The following PHF24 variants were observed in gnomAD, a reference collection of about 807,000 sequenced individuals.
PHF24 encodes the protein PHD finger protein 24.
In PHF24, 25 loss-of-function variants were observed where a neutral mutation model predicts 42.6. The observed-to-expected ratio is 0.59, with a 90% CI of 0.43 to 0.82. PHF24 has a LOEUF of 0.82. PHF24 is among the 40% of genes least tolerant of loss of function. The pLI is 0.00. For synonymous variants in PHF24, 185 were observed against 204.8 expected (o/e 0.90, Z 0.83); for missense variants, 470 against 538.1 (o/e 0.87, Z 1.25).
chr9:34,902,540 G>T, the PHF24 span, among the ~76,000 whole-genome samples: 1 of 152,080 alleles, frequency 6.6e-6, no homozygotes, highest in East Asian at 1.9e-4. Context: ...TCCCAGCTAC[G>T]CAACTCAGGA....
the PHF24 span, among the ~76,000 whole-genome samples, chr9:34,764,280 T>C: frequency 6.6e-6 from 1 of 151,808 alleles, no homozygotes; most frequent in Non-Finnish European, 1.5e-5. Flanking sequence ...ATGGTACCAG[T>C]TCCTCCTTGT....
the PHF24 span, among the ~76,000 whole-genome samples, chr9:34,693,422 T>C: frequency 1.3e-5 from 2 of 152,212 alleles, no homozygotes; most frequent in African/African-American, 4.8e-5. Context: ...ATTTCCCCTG[T>C]GGCAGTTGTT....
the PHF24 span, among the ~76,000 whole-genome samples, chr9:34,919,154 A>T: frequency 1.3e-5 from 2 of 152,216 alleles, no homozygotes; most frequent in Admixed American, 1.3e-4. Context: ...TACTATGATT[A>T]GTGAACCAAT....
the PHF24 span, chr9:34,691,386 AG>A: frequency 2.0e-6 from 1 of 493,636 alleles, no homozygotes; most frequent in South Asian, 2.7e-5. Flanking sequence ...TCTTTCTGGC[AG>A]AATCGCACCC....
the PHF24 span, among the ~76,000 whole-genome samples, chr9:34,886,754 ATCTG>A: frequency 2.0e-5 from 3 of 147,662 alleles, no homozygotes; most frequent in African/African-American, 7.7e-5. Context: ...CTATCTATCT[ATCTG>A]TCTGTCTGTC....
At chr9:34,840,109 AGGCCCTCCTTG>A in the PHF24 span, among the ~76,000 whole-genome samples, 23 of 152,142 alleles carry the variant, frequency 1.5e-4, no homozygotes, top group Admixed American at 1.2e-3. Context: ...AGCAGGGGTG[AGGCCCTCCTTG>A]ATGGAGGGCC....
the PHF24 span, among the ~76,000 whole-genome samples, chr9:34,734,897 C>A: frequency 6.6e-6 from 1 of 152,190 alleles, no homozygotes; most frequent in Non-Finnish European, 1.5e-5. Context: ...TTGAGCAAAC[C>A]TCTGGCAAAC....
chr9:34,922,995 G>A, the PHF24 span: 1 of 877,326 alleles, frequency 1.1e-6, no homozygotes. Context: ...GGGTGCTGCT[G>A]GGCCGGGCCT....
At chr9:34,839,541 T>G in the PHF24 span, among the ~76,000 whole-genome samples, 134,529 of 147,384 alleles carry the variant, frequency 0.91, 61,031 homozygotes, top group East Asian at 1. Context: ...TTCTGAATAT[T>G]CTTAGAAGGT....
the PHF24 span, among the ~76,000 whole-genome samples, chr9:34,670,422 A>T: frequency 1.5e-4 from 23 of 152,294 alleles, no homozygotes; most frequent in East Asian, 4.4e-3. Flanking sequence ...CTACGTGGCT[A>T]GTGTCAGAAG....
chr9:34,972,858 G>A (rs1477009000), intron 3 of PHF24, among the ~76,000 whole-genome samples: 1 of 146,578 alleles, frequency 6.8e-6, no homozygotes, highest in Non-Finnish European at 1.5e-5. Context: ...AGGTTGCAGC[G>A]AGCCGAAATC....
At chr9:34,796,419 A>T in the PHF24 span, among the ~76,000 whole-genome samples, 1 of 118,204 alleles carries the variant, frequency 8.5e-6, no homozygotes, top group South Asian at 2.3e-4. Context: ...TTGTTAAAAA[A>T]TTTAAAAAAA....
At chr9:34,794,581 T>A in the PHF24 span, among the ~76,000 whole-genome samples, 58 of 152,202 alleles carry the variant, frequency 3.8e-4, no homozygotes, top group African/African-American at 1.3e-3. Flanking sequence ...GGGTGAACAC[T>A]GGAAACAAGT....
chr9:34,694,058 C>CCAAGG, the PHF24 span, among the ~76,000 whole-genome samples: 1 of 152,012 alleles, frequency 6.6e-6, no homozygotes, highest in Non-Finnish European at 1.5e-5. Flanking sequence ...CAGGAGAATC[C>CCAAGG]CAAGGCTCAC....
the PHF24 span, among the ~76,000 whole-genome samples, chr9:34,902,753 G>T: frequency 1.3e-5 from 2 of 152,172 alleles, no homozygotes; most frequent in Admixed American, 6.5e-5. Context: ...GTTTCTAAAT[G>T]TTCTGAAATT....
chr9:34,858,828 A>G, the PHF24 span, among the ~76,000 whole-genome samples: 8 of 152,218 alleles, frequency 5.3e-5, no homozygotes, highest in South Asian at 1.5e-3. Flanking sequence ...CTTCCTTTCA[A>G]TGGGTGGTGC....
the PHF24 span, among the ~76,000 whole-genome samples, chr9:34,872,303 C>G: frequency 6.7e-6 from 1 of 149,096 alleles, no homozygotes; most frequent in African/African-American, 2.5e-5. Context: ...TGCGCTGCAC[C>G]CACTAACTCT....
the PHF24 span, among the ~76,000 whole-genome samples, chr9:34,906,800 G>T: frequency 6.6e-6 from 1 of 152,124 alleles, no homozygotes; most frequent in Non-Finnish European, 1.5e-5. Context: ...CAATGCAGTT[G>T]TCTGAAATCC....
the PHF24 span, among the ~76,000 whole-genome samples, chr9:34,924,490 C>T: frequency 0.46 from 70,178 of 151,978 alleles, 16,660 homozygotes; most frequent in Non-Finnish European, 0.52. Flanking sequence ...TGTTACATAC[C>T]CTTGCTGAAT....
Sources: gnomAD v4.1 joint callset for allele counts (sites outside exome capture counted in the v4.1 genomes callset) on GRCh38, gnomAD v4.1.1 for gene constraint, MANE v1.5 for transcripts, NCBI Gene and HGNC (gene_info 2026-07-23, HGNC 2026-07-21) for gene names.